Variants in PRELID2 observed in about 807,000 individuals in gnomAD.
PRELID2 encodes the protein PRELI domain containing 2.
Under a neutral mutation model 28.4 loss-of-function variants are expected in PRELID2, and 25 were observed. The observed-to-expected ratio is 0.88, with a 90% CI of 0.64 to 1.23. The LOEUF is 1.23. Among genes scored for constraint, PRELID2 ranks in the 50% most tolerant of loss-of-function variants. PRELID2 has a pLI of 0.00. For missense variants in PRELID2, 201 were observed against 214.4 expected, an observed-to-expected ratio of 0.94 and a Z score of 0.39; for synonymous variants, 76 against 71.6, an observed-to-expected ratio of 1.06 and a Z score of -0.31.
In PRELID2 at chr5:145,706,789, C is replaced by T. The variant is rs367867891; in HGVS notation, n.70+58142G>A. Among the ~76,000 whole-genome samples, 22 of 152,266 alleles carry T rather than the reference C, an allele frequency of 1.4e-4. No individual in the cohort carries two copies. In the South Asian group the frequency reaches 4.3e-3, roughly 30 times the overall value. Reference sequence around the variant, plus strand: ...TTAAGTCTTCATGTTACCTATGAAACATAAATAACCCCAGTTAAGAAATGA... The same window carrying T: ...TTAAGTCTTCATGTTACCTATGAAATATAAATAACCCCAGTTAAGAAATGA... On this transcript the variant is annotated intron_variant and non_coding_transcript_variant, in intron 1 of 2. Coordinates refer to the PRELID2 transcript ENST00000510259.
At chr5:145,333,287 G>C in the PRELID2 span, among the ~76,000 whole-genome samples, 3 of 152,198 alleles carry the variant, frequency 2.0e-5, no homozygotes, top group Non-Finnish European at 4.4e-5. Flanking sequence ...CCTTAGCAGA[G>C]CATGAGCGCT....
At chr5:145,709,504 G>A (rs1296529368) in intron 1 of PRELID2, among the ~76,000 whole-genome samples, 1 of 151,764 alleles carries the variant, frequency 6.6e-6, no homozygotes, top group Non-Finnish European at 1.5e-5. Context: ...TTCGCTAATC[G>A]AGTGTTGGAT....
At chr5:145,644,024 T>A (rs1054701059) in intron 1 of PRELID2, among the ~76,000 whole-genome samples, 22 of 152,206 alleles carry the variant, frequency 1.4e-4, no homozygotes, top group African/African-American at 4.6e-4. Flanking sequence ...GATGCTGGCC[T>A]CATAAAGTGA....
chr5:145,301,418 G>A, the PRELID2 span, among the ~76,000 whole-genome samples: 1 of 152,058 alleles, frequency 6.6e-6, no homozygotes, highest in East Asian at 1.9e-4. Flanking sequence ...TATTGAATCA[G>A]GCATGTATAA....
At chr5:145,621,449 C>T (rs1356485962) in intron 1 of PRELID2, among the ~76,000 whole-genome samples, 2 of 152,140 alleles carry the variant, frequency 1.3e-5, no homozygotes, top group Admixed American at 6.5e-5. Context: ...GTACACACCA[C>T]TGTTTTTAGC....
At chr5:145,266,366 A>T in the PRELID2 span, among the ~76,000 whole-genome samples, 2 of 152,046 alleles carry the variant, frequency 1.3e-5, no homozygotes, top group Non-Finnish European at 2.9e-5. Context: ...AAGCAAAAAA[A>T]AAAAAGGGCT....
chr5:145,809,474 A>G (rs953198356), intron 4 of PRELID2, among the ~76,000 whole-genome samples: 12 of 152,234 alleles, frequency 7.9e-5, no homozygotes, highest in Non-Finnish European at 1.5e-5. Flanking sequence ...ACAAAGAGCC[A>G]GCCTCCAACC....
chr5:145,441,263 G>A, the PRELID2 span: 1 of 152,046 alleles, frequency 6.6e-6, no homozygotes, highest in African/African-American at 2.4e-5. Flanking sequence ...CAAAGTTTCT[G>A]TACTGTGAAT....
intron 1 of PRELID2, among the ~76,000 whole-genome samples, chr5:145,715,435 T>C (rs975305692): frequency 1.1e-4 from 16 of 152,180 alleles, no homozygotes; most frequent in African/African-American, 3.9e-4. Context: ...CTGATCTCCC[T>C]GATTCCAATC....
the PRELID2 span, among the ~76,000 whole-genome samples, chr5:145,376,627 G>T: frequency 6.6e-6 from 1 of 152,148 alleles, no homozygotes; most frequent in African/African-American, 2.4e-5. Context: ...TTAAGAGGCT[G>T]TATGAATCCA....
chr5:145,718,889 A>T (rs1755912401), intron 1 of PRELID2, among the ~76,000 whole-genome samples: 1 of 152,096 alleles, frequency 6.6e-6, no homozygotes, highest in East Asian at 1.9e-4. Context: ...TGAGGGTAAC[A>T]GGTAGAACCA....
the PRELID2 span, among the ~76,000 whole-genome samples, chr5:145,464,264 G>A: frequency 6.6e-6 from 1 of 152,088 alleles, no homozygotes; most frequent in African/African-American, 2.4e-5. Context: ...TTATGCAAAT[G>A]TATAGTTATT....
chr5:145,258,882 T>A, the PRELID2 span, among the ~76,000 whole-genome samples: 1 of 152,102 alleles, frequency 6.6e-6, no homozygotes, highest in Admixed American at 6.5e-5. Flanking sequence ...GCCCCTCCTA[T>A]CACAGGCCCA....
At chr5:145,728,907 G>T in intron 1 of PRELID2, 1 of 876,286 alleles carries the variant, frequency 1.1e-6, no homozygotes, top group Non-Finnish European at 2.0e-6. Context: ...GCTTTCATTT[G>T]CTGGCAAAAT....
chr5:145,388,588 G>A, the PRELID2 span, among the ~76,000 whole-genome samples: 12 of 152,196 alleles, frequency 7.9e-5, no homozygotes, highest in East Asian at 1.7e-3. Flanking sequence ...TACACAATTG[G>A]CTCCTTCCTA....
intron 4 of PRELID2, among the ~76,000 whole-genome samples, chr5:145,801,441 C>A (rs1753135183): frequency 6.6e-6 from 1 of 152,110 alleles, no homozygotes; most frequent in African/African-American, 2.4e-5. Flanking sequence ...CTCAAGTTTT[C>A]CTTCACCTGT....
chr5:145,398,679 G>A, the PRELID2 span, among the ~76,000 whole-genome samples: 2 of 152,052 alleles, frequency 1.3e-5, no homozygotes, highest in African/African-American at 4.8e-5. Flanking sequence ...AACAAACAAT[G>A]TTCCTGTTCA....
chr5:145,612,819 A>G (rs916541300), intron 1 of PRELID2, among the ~76,000 whole-genome samples: 1 of 152,232 alleles, frequency 6.6e-6, no homozygotes, highest in South Asian at 2.1e-4. Context: ...GTAGTATTCA[A>G]TCATAAATAC....
intron 1 of PRELID2, among the ~76,000 whole-genome samples, chr5:145,507,581 C>T (rs1056550249): frequency 2.6e-5 from 4 of 152,162 alleles, no homozygotes; most frequent in Non-Finnish European, 5.9e-5. Context: ...TGCCAGTCCC[C>T]ATTGTCACCC....
Sources: allele counts gnomAD v4.1 joint callset (sites outside exome capture counted in the v4.1 genomes callset), GRCh38; gene constraint gnomAD v4.1.1; transcripts MANE v1.5; gene names NCBI Gene and HGNC (gene_info 2026-07-23, HGNC 2026-07-21).